The following PXDC1 variants were observed in gnomAD, a reference collection of about 807,000 sequenced individuals.
PXDC1 encodes PX domain-containing protein 1.
A neutral mutation model predicts 24.4 loss-of-function variants in PXDC1; 13 were observed. The ratio of observed to expected loss-of-function variants is 0.53; its 90% CI spans 0.35 to 0.85. PXDC1 has a LOEUF of 0.85. PXDC1 is among the 40% of genes least tolerant of loss of function. The pLI is 0.01. For missense variants in PXDC1, 344 were observed against 309.3 expected (o/e 1.11, Z -0.84); for synonymous variants, 162 against 124.9 (o/e 1.30, Z -1.98).
At position 3,728,733 on chromosome 6, in the gene PXDC1, T is replaced by A. The variant is rs533822501; in HGVS notation, c.467-1071A>T. Among the ~76,000 whole-genome samples the A allele has an allele frequency of 4.3e-4, 65 of 152,296 alleles. No individual in the cohort carries two copies. The highest frequency in any genetic ancestry group is 1.5e-3 in the African/African-American group (64 of 41,546). On this transcript the variant is annotated intron_variant, in intron 3 of 4. Transcript: ENST00000380283. The surrounding 1 kb of genome is among the most constrained non-coding windows in gnomAD (Gnocchi z 4.0). ...AAATCCCATGAACTCCTGGATCGCA[T>A]CATGCCATCTGGTCCATCTAGGTAT...
At chr6:3,732,214 C>A (rs1410709098) in intron 3 of PXDC1, among the ~76,000 whole-genome samples, 4 of 152,232 alleles carry the variant, frequency 2.6e-5, no homozygotes, top group African/African-American at 9.6e-5. Context: ...TAACTCTATT[C>A]CTTTTCTCAG....
At chr6:3,735,186 C>T (rs1760287075) in intron 3 of PXDC1, among the ~76,000 whole-genome samples, 1 of 152,174 alleles carries the variant, frequency 6.6e-6, no homozygotes, top group South Asian at 2.1e-4. Context: ...AGAGGCATCA[C>T]ACTACACAAT....
rs997505270 is a variant in PXDC1, at chr6:3,737,801, T to C, written c.348+256A>G. On this transcript the variant is annotated intron_variant, in intron 2 of 4. Transcript: ENST00000380283. The surrounding 1 kb of genome is among the most constrained non-coding windows in gnomAD (Gnocchi z 5.5). ...CCGCACCCTTCCACCCATGCCTCCT[T>C]GCATCCCTCATTTTCACTCTTTCCC... The C allele has an allele frequency of 1.8e-5, 9 of 503,292 alleles. No individual in the cohort carries two copies. The highest frequency in any genetic ancestry group is 9.9e-4 in the Middle Eastern group (1 of 1,008). The allele number at this position is 503,292 out of a possible 1,614,324, so 31.2% of individuals were successfully genotyped here.
At chr6:3,743,863 C>T (rs1158747963) in intron 1 of PXDC1, among the ~76,000 whole-genome samples, 4 of 152,196 alleles carry the variant, frequency 2.6e-5, no homozygotes, top group Non-Finnish European at 5.9e-5. Flanking sequence ...CCACAGCCAC[C>T]TCTCCTCTAC....
rs549376207 is a variant in PXDC1 at position 3,743,983 on chromosome 6, C to T, written c.257-5835G>A. Reference sequence around the variant, plus strand: ...CCAAGCTGGGGGCTGAGGGAAGTCTCTCTTCCTCCCTCTGCAGCAGTGGCT... The same window carrying T: ...CCAAGCTGGGGGCTGAGGGAAGTCTTTCTTCCTCCCTCTGCAGCAGTGGCT... On this transcript the variant is annotated intron_variant, in intron 1 of 4. Transcript: ENST00000380283. 2.0e-5 allele frequency among the ~76,000 whole-genome samples: 3 copies of T among 152,354 alleles called. No individual in the cohort carries two copies. In the East Asian group the frequency reaches 5.8e-4, roughly 29 times the overall value.
intron 1 of PXDC1, among the ~76,000 whole-genome samples, chr6:3,748,847 G>C (rs1760632254): frequency 6.6e-6 from 1 of 152,234 alleles, no homozygotes; most frequent in Non-Finnish European, 1.5e-5. Context: ...TGGGGAATGT[G>C]ATAGGGAATG....
At chr6:3,740,572 G>T (rs1760429975) in intron 1 of PXDC1, among the ~76,000 whole-genome samples, 2 of 152,340 alleles carry the variant, frequency 1.3e-5, no homozygotes, top group African/African-American at 4.8e-5. Context: ...TGGAAACCGT[G>T]TTAGGATTTT....
rs1760729182 is a variant in PXDC1, at chr6:3,751,654, C to G, written c.-123G>C. The G allele has an allele frequency of 7.5e-7, 1 of 1,326,366 alleles. No homozygotes were observed. The highest frequency in any genetic ancestry group is 9.6e-7 in the Non-Finnish European group (1 of 1,041,714). 82.2% of individuals were successfully genotyped at this position (1,326,366 alleles called of 1,614,324 possible). A position where few individuals can be genotyped will look rare whatever the true frequency, so the allele number is the denominator to read the frequency against. On this transcript the variant is annotated 5_prime_UTR_variant, in exon 1 of 5. Transcript: ENST00000380283. ...CCGGGGTCGTCCGGGGTCGGCCCGT[C>G]ACTCCAAGGAGGCTGCGTATGGCCC...
chr6:3,740,055 T>G (rs532516296), intron 1 of PXDC1, among the ~76,000 whole-genome samples: 2 of 152,368 alleles, frequency 1.3e-5, no homozygotes, highest in East Asian at 1.9e-4. Context: ...TAGCTTCCAG[T>G]TGATCAAATG....
rs1453992428 is a variant in PXDC1, at chr6:3,727,651, A to C, written c.478T>G (p.Ser160Ala). Residue 160 changes from serine to alanine, a missense_variant, in exon 4 of 5, where the codon TCC (serine) becomes GCC (alanine). Transcript: ENST00000380283. ...SPVKISEIMR[S>A]NGFCLANTET... ...GTATTTGCTAAACAAAATCCATTGGACCTCATGATTTCTGAAAACCAAAGC... is the reference window on the plus strand; with the variant it reads ...GTATTTGCTAAACAAAATCCATTGGCCCTCATGATTTCTGAAAACCAAAGC... 2 of 1,612,324 alleles carry C rather than the reference A, an allele frequency of 1.2e-6. No homozygotes were observed. Among genetic ancestry groups the C allele is most frequent in the Non-Finnish European group, 1.7e-6 (2 of 1,178,532 alleles).
Position 3,737,186 on chromosome 6 carries a change from G to C in PXDC1, c.359C>G (p.Ser120Trp), listed in dbSNP as rs748329139. ...IISMPCKYSR[S>W]EVVLTFFERS... The stretch of plus-strand genomic sequence containing the variant: ...TTCGAAGAAGGTGAGCACAACTTCC[G>C]ATCTAGAATACTGGGGAGAAATGCA... The change falls in exon 3 of 5, where the codon TCG (serine) becomes TGG (tryptophan). Residue 120 changes from serine to tryptophan, a missense_variant. Ser to Trp is a radical substitution (Grantham distance 177, BLOSUM62 -3). Coordinates refer to ENST00000380283, the MANE Select transcript of PXDC1 (RefSeq NM_183373.4). This position sits in a 1 kb window ranked among gnomAD's most constrained non-coding sequence, Gnocchi z 5.5. 6.2e-7 allele frequency: 1 copy of C among 1,604,324 alleles called. No homozygotes were observed. The highest frequency in any genetic ancestry group is 1.7e-5 in the Admixed American group (1 of 60,020).
intron 1 of PXDC1, chr6:3,738,732 C>T (rs1015953357): frequency 2.4e-6 from 3 of 1,254,986 alleles, no homozygotes; most frequent in Non-Finnish European, 3.1e-6. Context: ...GGCCTCTGTG[C>T]TTCTCACGGT....
intron 1 of PXDC1, among the ~76,000 whole-genome samples, chr6:3,744,471 G>A (rs187904230): frequency 6.6e-6 from 1 of 152,366 alleles, no homozygotes; most frequent in Non-Finnish European, 1.5e-5. Flanking sequence ...CTCCCGGGCA[G>A]GAGGCGGCCT....
At chr6:3,723,829 G>T in intron 4 of PXDC1, 93 bp from the exon 5 acceptor site, 2 of 940,460 alleles carry the variant, frequency 2.1e-6, no homozygotes, top group Non-Finnish European at 3.4e-6. Flanking sequence ...TTCAATGCCC[G>T]CTAGTAAGTG....
chr6:3,727,053 G>A (rs913377340), intron 4 of PXDC1, among the ~76,000 whole-genome samples: 12 of 152,212 alleles, frequency 7.9e-5, no homozygotes, highest in Admixed American at 2.6e-4. Context: ...AGATGCTGCC[G>A]ACCCCAGTGC....
At chr6:3,730,959 T>C (rs1423820633) in intron 3 of PXDC1, among the ~76,000 whole-genome samples, 1 of 152,170 alleles carries the variant, frequency 6.6e-6, no homozygotes, top group East Asian at 1.9e-4. Context: ...ATCTGTACAA[T>C]GGAAATAAAG....
Position 3,725,945 on chromosome 6 carries a change from C to T in PXDC1, c.578+1606G>A, listed in dbSNP as rs1388839464. Among the ~76,000 whole-genome samples, 3 of 151,736 alleles carry T rather than the reference C, an allele frequency of 2.0e-5. No homozygotes were observed. The highest frequency in any genetic ancestry group is 2.9e-5 in the Non-Finnish European group (2 of 67,820). Reference sequence around the variant, plus strand: ...AGCCAGGCATCCCGGAGCAGGTGGCCGCCTATTCAAGACCTGTCACTCCTG... The same window carrying T: ...AGCCAGGCATCCCGGAGCAGGTGGCTGCCTATTCAAGACCTGTCACTCCTG... On this transcript the variant is annotated intron_variant, in intron 4 of 4. Coordinates refer to ENST00000380283, the MANE Select transcript of PXDC1 (RefSeq NM_183373.4). This position sits in a 1 kb window ranked among gnomAD's most constrained non-coding sequence, Gnocchi z 4.8.
intron 1 of PXDC1, chr6:3,738,933 CCCCACACTTGTGTG>C: frequency 7.7e-7 from 1 of 1,301,840 alleles, no homozygotes; most frequent in Non-Finnish European, 1.0e-6. Context: ...CTGGCGTCTC[CCCCACACTTGTGTG>C]ACCGAGGCTG....
Position 3,751,359 on chromosome 6 carries a change from G to C in PXDC1, c.173C>G (p.Ala58Gly). 6.4e-7 allele frequency: 1 copy of C among 1,558,632 alleles called. No individual in the cohort carries two copies. The highest frequency in any genetic ancestry group is 8.7e-7 in the Non-Finnish European group (1 of 1,154,100). Residue 58 changes from alanine (A) to glycine (G), a missense_variant, in exon 1 of 5, where the codon GCG (alanine) becomes GGG (glycine). Physicochemically the swap from Ala to Gly is moderately conservative, Grantham distance 60. Coordinates refer to ENST00000380283, the MANE Select transcript of PXDC1 (RefSeq NM_183373.4). ...RSVLYLHRSL[A>G]DLGRLWQRLR... Reference sequence around the variant, plus strand: ...GCGCTGCCACAGGCGGCCCAGGTCCGCCAGGCTGCGGTGCAGGTAGAGCAC... The same window carrying C: ...GCGCTGCCACAGGCGGCCCAGGTCCCCCAGGCTGCGGTGCAGGTAGAGCAC...
Sources: allele counts gnomAD v4.1 joint callset (sites outside exome capture counted in the v4.1 genomes callset), GRCh38; gene constraint gnomAD v4.1.1; non-coding constraint Gnocchi (gnomAD v3.1); transcripts MANE v1.5; gene names NCBI Gene and HGNC (gene_info 2026-07-23, HGNC 2026-07-21).